The following KLHL5 variants were observed in gnomAD, a reference collection of about 807,000 sequenced individuals.
KLHL5 encodes the protein kelch-like protein 5.
KLHL5 carries 48 observed loss-of-function variants against 77.7 expected under a neutral mutation model. The ratio of observed to expected loss-of-function variants is 0.62; its 90% CI spans 0.49 to 0.79. The LOEUF is 0.79. Ranked by LOEUF, KLHL5 falls within the 30% of genes least tolerant of loss-of-function variation. KLHL5 has a pLI of 0.00. For missense variants in KLHL5, 723 were observed against 859.7 expected, an observed-to-expected ratio of 0.84 and a Z score of 1.99; for synonymous variants, 260 against 297.0, an observed-to-expected ratio of 0.88 and a Z score of 1.28.
chr4:39,139,808 C>A, the KLHL5 span, among the ~76,000 whole-genome samples: 1 of 152,188 alleles, frequency 6.6e-6, no homozygotes, highest in Non-Finnish European at 1.5e-5. Flanking sequence ...TGGATCTAAT[C>A]ATGATAAAAC....
Position 39,115,155 on chromosome 4 carries a change from A to G in KLHL5, c.1902-4A>G, listed in dbSNP as rs10026775. On this transcript the variant is annotated splice_polypyrimidine_tract_variant and splice_region_variant and intron_variant, in intron 9 of 10. Coordinates refer to ENST00000504108, the MANE Select transcript of KLHL5 (RefSeq NM_015990.5). ...TCAGCTCCGGTTCTAAAATTTTCTT[A>G]CAGATATGATCCCAAAACAGACATG... The G allele has an allele frequency of 6.3e-7, 1 of 1,590,844 alleles. No homozygotes were observed. Among genetic ancestry groups the G allele is most frequent in the Admixed American group, 1.9e-5 (1 of 51,782 alleles).
chr4:39,129,282 AC>A (rs1408587850), downstream of KLHL5, among the ~76,000 whole-genome samples: 1 of 150,388 alleles, frequency 6.6e-6, no homozygotes, highest in East Asian at 1.9e-4. The surrounding 1 kb of genome is among the most constrained non-coding windows in gnomAD (Gnocchi z 4.2). Context: ...ATCTCGGCTC[AC>A]TGCAACCTCC....
At position 39,122,673 on chromosome 4, in the gene KLHL5, C is replaced by T. The variant is rs1338837445; in HGVS notation, c.*1607C>T. Among the ~76,000 whole-genome samples, 1 of 151,926 alleles carries T rather than the reference C, an allele frequency of 6.6e-6. No homozygotes were observed. The highest frequency in any genetic ancestry group is 2.4e-5 in the African/African-American group (1 of 41,364). On this transcript the variant is annotated 3_prime_UTR_variant, in exon 11 of 11. Transcript: ENST00000504108. ...AAAAAATAAAAAAAAATTAGCCAGG[C>T]GTGGTGGCGGGTGCCTGTACGCCCA...
rs1719007311 is a variant in KLHL5 at position 39,076,092 on chromosome 4, A to G, written c.511A>G (p.Lys171Glu). 6.2e-7 allele frequency: 1 copy of G among 1,608,370 alleles called. No homozygotes were observed. Among genetic ancestry groups the G allele is most frequent in the Admixed American group, 1.7e-5 (1 of 58,576 alleles). The change falls in exon 2 of 11, where the codon AAA becomes GAA. Residue 171 changes from lysine to glutamate, a missense_variant. Physicochemically the swap from Lys to Glu is moderately conservative, Grantham distance 56 (BLOSUM62 1). Coordinates refer to ENST00000504108, the MANE Select transcript of KLHL5 (RefSeq NM_015990.5). ...AAAAATGGAAAACTATTTGAGACATAAACAGTTGTGTGATGTAATTTTAGT... is the reference window on the plus strand; with the variant it reads ...AAAAATGGAAAACTATTTGAGACATGAACAGTTGTGTGATGTAATTTTAGT... ...FKKMENYLRHKQLCDVILVAG... is the reference protein window; with the variant it reads ...FKKMENYLRHEQLCDVILVAG...
intron 1 of KLHL5, chr4:39,063,489 T>C (rs1257873417): frequency 5.0e-6 from 2 of 402,064 alleles, no homozygotes; most frequent in Non-Finnish European, 1.0e-5. Flanking sequence ...ATGCACATTA[T>C]AGTCACCAAT....
rs2711941 is a variant in KLHL5 at position 39,062,542 on chromosome 4, A to C, written c.-111A>C. The C allele has an allele frequency of 0.74, 1,193,188 of 1,609,454 alleles. 443,398 individuals are homozygous for C. Among genetic ancestry groups the C allele is most frequent in the East Asian group, 0.82 (36,929 of 44,854 alleles). ...GAATGTGATTTATTTTCCTTTACAT[A>C]TTTTTGTTGTGTACAGCAGGGCATA... On this transcript the variant is annotated 5_prime_UTR_variant, in exon 1 of 11. Transcript: ENST00000504108.
chr4:39,075,335 CAA>C lies in KLHL5; in HGVS notation c.384-617_384-616del, dbSNP rs10718590. ...AACAAGAGCGAAATTCCGTCTCAAA[CAA>C]AAAAAAAAAAAAGAAAGAAATCAGA... On this transcript the variant is annotated intron_variant, in intron 1 of 10. Transcript: ENST00000504108. 9.3e-3 allele frequency among the ~76,000 whole-genome samples: 1,305 copies of C among 139,780 alleles called. 42 individuals are homozygous for C. The highest frequency in any genetic ancestry group is 0.072 in the Admixed American group (1,017 of 14,074). 91.7% of individuals were successfully genotyped at this position (139,780 alleles called of 152,430 possible). A position where few individuals can be genotyped will look rare whatever the true frequency, so the allele number is the denominator to read the frequency against.
intron 8 of KLHL5, 31 bp from the exon 9 acceptor site, chr4:39,112,989 T>G (rs769254013): frequency 5.7e-6 from 9 of 1,586,210 alleles, no homozygotes; most frequent in Non-Finnish European, 7.8e-6. Flanking sequence ...GGCACATGTC[T>G]TATTTATCAT....
At chr4:39,048,609 G>GTTGTTA (rs1716381503) in intron 1 of KLHL5, among the ~76,000 whole-genome samples, 1 of 142,870 alleles carries the variant, frequency 7.0e-6, no homozygotes, top group East Asian at 2.1e-4. Context: ...TGTTAGGACA[G>GTTGTTA]GGAAAAGGAT....
intron 10 of KLHL5, chr4:39,116,471 C>T (rs913750293): frequency 1.9e-4 from 29 of 152,110 alleles, no homozygotes; most frequent in African/African-American, 6.0e-4. Context: ...ATGGTACAGG[C>T]GCCAAGTGAT....
chr4:39,065,139 T>A (rs998427149), intron 1 of KLHL5, among the ~76,000 whole-genome samples: 1 of 152,188 alleles, frequency 6.6e-6, no homozygotes, highest in African/African-American at 2.4e-5. Context: ...CCTTTGTGTG[T>A]ATATTCTTTT....
At chr4:39,055,509 CT>C (rs1359141082) in intron 1 of KLHL5, among the ~76,000 whole-genome samples, 26 of 152,240 alleles carry the variant, frequency 1.7e-4, no homozygotes, top group Non-Finnish European at 8.8e-5. Context: ...TAGGAGACCC[CT>C]ATCAAATATA....
chr4:39,113,137 A>G lies in KLHL5; in HGVS notation c.1806A>G (p.Val602=). 2 of 1,614,150 alleles carry G rather than the reference A, an allele frequency of 1.2e-6. No homozygotes were observed. The highest frequency in any genetic ancestry group is 1.7e-6 in the Non-Finnish European group (2 of 1,179,982). Residue 602 remains valine, a synonymous_variant, in exon 9 of 11, where the codon GTA becomes GTG. Coordinates refer to ENST00000504108, the MANE Select transcript of KLHL5 (RefSeq NM_015990.5). ...AGATGTCAAAAAGGAGAGGTGGCGT[A>G]GGAGTGACGACCTGGAATGGACTGC... is the stretch of plus-strand genomic sequence containing the variant. ...CAQMSKRRGG[V]GVTTWNGLLY...
chr4:39,061,184 C>A (rs1303609701), upstream of KLHL5, among the ~76,000 whole-genome samples: 1 of 152,130 alleles, frequency 6.6e-6, no homozygotes, highest in Admixed American at 6.6e-5. Flanking sequence ...AGCATGAAAT[C>A]ATACTTGGCT....
upstream of KLHL5, among the ~76,000 whole-genome samples, chr4:39,061,739 A>G (rs961040793): frequency 2.6e-5 from 4 of 152,200 alleles, no homozygotes; most frequent in African/African-American, 9.7e-5. Context: ...AAGTAATGTC[A>G]TAGAAATTTG....
At chr4:39,105,353 C>T (rs1721941672) in intron 7 of KLHL5, among the ~76,000 whole-genome samples, 1 of 151,798 alleles carries the variant, frequency 6.6e-6, no homozygotes, top group Non-Finnish European at 1.5e-5. Flanking sequence ...CACTATGTTA[C>T]CCAGGCTGAT....
At chr4:39,053,393 C>G (rs1716795634) in intron 1 of KLHL5, among the ~76,000 whole-genome samples, 1 of 152,216 alleles carries the variant, frequency 6.6e-6, no homozygotes, top group African/African-American at 2.4e-5. Flanking sequence ...ATCTCCATCA[C>G]CATAAAGCTA....
At position 39,123,493 on chromosome 4, in the gene KLHL5, A is replaced by G. The variant is rs1016268031; in HGVS notation, c.*2427A>G. On this transcript the variant is annotated 3_prime_UTR_variant, in exon 11 of 11. Transcript: ENST00000504108. The stretch of plus-strand genomic sequence containing the variant: ...AGCAGGCCAAATCCAGCAGCTTATT[A>G]AAATGATCACACAGCATGACCAAGT... Among the ~76,000 whole-genome samples the G allele has an allele frequency of 6.6e-6, 1 of 152,214 alleles. No individual in the cohort carries two copies. The highest frequency in any genetic ancestry group is 1.5e-5 in the Non-Finnish European group (1 of 68,034).
intron 2 of KLHL5, among the ~76,000 whole-genome samples, chr4:39,080,507 C>T (rs761073755): frequency 8.1e-5 from 12 of 148,374 alleles, no homozygotes; most frequent in Non-Finnish European, 1.3e-4. Context: ...GCCTAGGAAA[C>T]AGAATGAGAC....
Sources: allele counts gnomAD v4.1 joint callset (sites outside exome capture counted in the v4.1 genomes callset), GRCh38; gene constraint gnomAD v4.1.1; non-coding constraint Gnocchi (gnomAD v3.1); transcripts MANE v1.5; gene names NCBI Gene and HGNC (gene_info 2026-07-23, HGNC 2026-07-21).